The following FECH variants were observed in gnomAD, a reference collection of about 807,000 sequenced individuals.
FECH encodes the protein ferrochelatase, mitochondrial.
Under a neutral mutation model 56.9 loss-of-function variants are expected in FECH, and 40 were observed. The observed-to-expected ratio is 0.70, with a 90% CI of 0.55 to 0.92. The LOEUF (loss-of-function observed/expected upper bound fraction) is 0.92. Ranked by LOEUF, FECH falls within the 40% of genes least tolerant of loss-of-function variation. FECH has a pLI of 0.00. For missense variants in FECH, 431 were observed against 529.1 expected (o/e 0.81, Z 1.82); for synonymous variants, 175 against 198.6 (o/e 0.88, Z 1.00).
intron 3 of FECH, among the ~76,000 whole-genome samples, chr18:57,572,022 T>C (rs978879532): frequency 6.6e-5 from 10 of 152,230 alleles, no homozygotes; most frequent in African/African-American, 2.2e-4. Context: ...TTGTCCACCA[T>C]GAAGCATGGA....
chr18:57,561,986 C>T (rs2050950013), intron 6 of FECH, among the ~76,000 whole-genome samples: 1 of 152,338 alleles, frequency 6.6e-6, no homozygotes, highest in South Asian at 2.1e-4. Context: ...AGGAACACTG[C>T]TCTGGGGAGA....
At chr18:57,564,629 A>G (rs1654519103) in intron 5 of FECH, among the ~76,000 whole-genome samples, 1 of 152,246 alleles carries the variant, frequency 6.6e-6, no homozygotes, top group Admixed American at 6.5e-5. Context: ...AAAGATAAAC[A>G]GGTTCAATTT....
chr18:57,579,109 G>C (rs1172941535), intron 2 of FECH, among the ~76,000 whole-genome samples: 1 of 151,664 alleles, frequency 6.6e-6, no homozygotes, highest in Admixed American at 6.6e-5. Flanking sequence ...TTAGCCAGGC[G>C]TGGTGGTATG....
At chr18:57,573,465 A>G in intron 2 of FECH, 100 bp from the exon 3 acceptor site, 10 of 1,394,412 alleles carry the variant, frequency 7.2e-6, no homozygotes, top group Non-Finnish European at 1.0e-5. Flanking sequence ...GTTCCATACA[A>G]AGGTAAATAC....
chr18:57,562,321 C>G, intron 6 of FECH, among the ~76,000 whole-genome samples: 1 of 152,102 alleles, frequency 6.6e-6, no homozygotes, highest in East Asian at 1.9e-4. Flanking sequence ...GTAATTTTAA[C>G]TTATTCTCCT....
intron 1 of FECH, among the ~76,000 whole-genome samples, chr18:57,584,770 C>T (rs2051340528): frequency 6.6e-6 from 1 of 150,618 alleles, no homozygotes; most frequent in Admixed American, 6.7e-5. Flanking sequence ...GTTCTAATGT[C>T]TCTTATGTAA....
chr18:57,576,634 C>T, intron 2 of FECH, among the ~76,000 whole-genome samples: 1 of 152,142 alleles, frequency 6.6e-6, no homozygotes, highest in East Asian at 1.9e-4. Flanking sequence ...CACCTGAGCT[C>T]AGAACAAGAG....
At chr18:57,584,264 G>A (rs909489917) in intron 1 of FECH, among the ~76,000 whole-genome samples, 12 of 147,366 alleles carry the variant, frequency 8.1e-5, no homozygotes, top group Admixed American at 4.8e-4. Context: ...GACTGAGGCA[G>A]GAGGCTCACT....
chr18:57,562,742 A>G, intron 6 of FECH, 132 bp downstream of exon 6: 1 of 701,220 alleles, frequency 1.4e-6, no homozygotes, highest in Non-Finnish European at 2.6e-6. Context: ...TAATACTTTT[A>G]TTTAATCCCA....
chr18:57,569,909 C>G (rs962249612), intron 4 of FECH, among the ~76,000 whole-genome samples: 1 of 151,728 alleles, frequency 6.6e-6, no homozygotes, highest in African/African-American at 2.4e-5. Flanking sequence ...TCATGGCTCA[C>G]TGCAGCTTCA....
In FECH at chr18:57,546,682, C is replaced by T. The variant is rs1265542806; in HGVS notation, c.*4030G>A. ...GAACTTTAAGATTTATTGAGTAGGC[C>T]GGGGATGGTGGCTCACGCCTGTAAT... On this transcript the variant is annotated 3_prime_UTR_variant, in exon 11 of 11. Transcript: ENST00000262093. 3.3e-5 allele frequency among the ~76,000 whole-genome samples: 5 copies of T among 152,038 alleles called. No individual in the cohort carries two copies. The highest frequency in any genetic ancestry group is 1.2e-4 in the African/African-American group (5 of 41,410).
At chr18:57,572,513 TAAA>T (rs57279341) in intron 3 of FECH, among the ~76,000 whole-genome samples, 26 of 55,992 alleles carry the variant, frequency 4.6e-4, no homozygotes, top group East Asian at 1.9e-3. Context: ...TATACGTATG[TAAA>T]AAAAAAAAAA....
chr18:57,572,816 T>C (rs1187079303), intron 3 of FECH, among the ~76,000 whole-genome samples: 7 of 151,864 alleles, frequency 4.6e-5, no homozygotes, highest in Admixed American at 4.6e-4. Context: ...TAGAAATCTA[T>C]TTTGAAAGAA....
intron 5 of FECH, 71 bp from the exon 6 acceptor site, chr18:57,563,051 G>T: frequency 8.1e-7 from 1 of 1,241,644 alleles, no homozygotes. Context: ...ACTCGTAAAG[G>T]TAGTATATAT....
In FECH at chr18:57,544,933, A is replaced by G. The variant is rs1184917887; in HGVS notation, c.*5779T>C. 6.6e-6 allele frequency among the ~76,000 whole-genome samples: 1 copy of G among 152,264 alleles called. No homozygotes were observed. Among genetic ancestry groups the G allele is most frequent in the African/African-American group, 2.4e-5 (1 of 41,472 alleles). ...TTGAAATTTTAACAATTGGTTCACA[A>G]GCCAACATGCCATGTGCCTGTGCAA... is the stretch of plus-strand genomic sequence containing the variant. On this transcript the variant is annotated 3_prime_UTR_variant, in exon 11 of 11. Coordinates refer to ENST00000262093, the MANE Select transcript of FECH (RefSeq NM_000140.5).
chr18:57,579,313 G>GTGTGTGTGTGTGTGTGTA (rs531089366), intron 2 of FECH, among the ~76,000 whole-genome samples: 48 of 143,838 alleles, frequency 3.3e-4, no homozygotes, highest in Non-Finnish European at 5.4e-4. Flanking sequence ...GTGTGTGTGT[G>GTGTGTGTGTGTGTGTGTA]TATATATTCA....
intron 2 of FECH, among the ~76,000 whole-genome samples, chr18:57,578,272 A>C (rs12961441): frequency 0.26 from 39,118 of 152,126 alleles, 5,608 homozygotes; most frequent in African/African-American, 0.36. Context: ...TGAAGAAGGT[A>C]TCTAATGCCC....
At chr18:57,562,457 G>A (rs2050957371) in intron 6 of FECH, among the ~76,000 whole-genome samples, 1 of 152,168 alleles carries the variant, frequency 6.6e-6, no homozygotes, top group Non-Finnish European at 1.5e-5. Flanking sequence ...CTCAGAACAT[G>A]TAGATATATT....
chr18:57,574,224 C>T (rs904311982), intron 2 of FECH, among the ~76,000 whole-genome samples: 24 of 151,934 alleles, frequency 1.6e-4, no homozygotes, highest in African/African-American at 2.9e-4. Flanking sequence ...AAAATCCTGA[C>T]GTCAGGAGCC....
Sources: gnomAD v4.1 joint callset for allele counts (sites outside exome capture counted in the v4.1 genomes callset) on GRCh38, gnomAD v4.1.1 for gene constraint, MANE v1.5 for transcripts, NCBI Gene and HGNC (gene_info 2026-07-23, HGNC 2026-07-21) for gene names.